MAD1L1: variants seen among roughly 807,000 people sequenced by gnomAD.
MAD1L1 encodes the protein mitotic arrest deficient 1 like 1, also known as mitotic spindle assembly checkpoint protein MAD1.
In MAD1L1, 95 loss-of-function variants were observed where a neutral mutation model predicts 96.9. The ratio of observed to expected loss-of-function variants is 0.98; its 90% CI spans 0.83 to 1.16. The LOEUF (loss-of-function observed/expected upper bound fraction) is 1.16. Ranked by LOEUF, MAD1L1 falls within the 50% of genes most tolerant of loss-of-function variation. MAD1L1 has a pLI of 0.00. For synonymous variants in MAD1L1, 473 were observed against 396.6 expected, an observed-to-expected ratio of 1.19 and a Z score of -2.29; for missense variants, 1,007 against 954.4, an observed-to-expected ratio of 1.06 and a Z score of -0.73.
intron 11 of MAD1L1, among the ~76,000 whole-genome samples, chr7:2,087,215 C>T (rs1249435146): frequency 1.3e-5 from 2 of 152,206 alleles, no homozygotes; most frequent in African/African-American, 2.4e-5. Flanking sequence ...CAGAGCCACA[C>T]ACCTCAAAGT....
chr7:2,171,878 C>A (rs925340683), intron 10 of MAD1L1, among the ~76,000 whole-genome samples: 1 of 152,180 alleles, frequency 6.6e-6, no homozygotes. Context: ...CCACGCAGCC[C>A]AAGACCAGAC....
chr7:2,168,478 G>A (rs1790545729), intron 10 of MAD1L1, among the ~76,000 whole-genome samples: 1 of 152,264 alleles, frequency 6.6e-6, no homozygotes, highest in African/African-American at 2.4e-5. Context: ...AAAGGCAACA[G>A]CCATGCACCT....
In MAD1L1 at chr7:1,816,241, C is replaced by G. The variant is rs1554262484; in HGVS notation, c.1999-13G>C. 1.9e-6 allele frequency: 3 copies of G among 1,609,380 alleles called. No individual in the cohort carries two copies. Among genetic ancestry groups the G allele is most frequent in the Non-Finnish European group, 2.5e-6 (3 of 1,177,552 alleles). On this transcript the variant is annotated splice_polypyrimidine_tract_variant and intron_variant, in intron 18 of 18. Coordinates refer to ENST00000265854, the MANE Select transcript of MAD1L1 (RefSeq NM_001013836.2). ...AGGGGCTGGTGGCCTGCGGGGCAGT[C>G]AAGAAAGAGACAAGACAGCGGTCAG...
At chr7:1,883,484 A>T (rs57388909) in intron 18 of MAD1L1, among the ~76,000 whole-genome samples, 1,668 of 152,236 alleles carry the variant, frequency 0.011, 33 homozygotes, top group African/African-American at 0.039. Flanking sequence ...TTTCCATGGG[A>T]ATCAGCCCAG....
At chr7:1,967,129 G>A (rs117546874) in intron 15 of MAD1L1, among the ~76,000 whole-genome samples, 3,625 of 152,286 alleles carry the variant, frequency 0.024, 88 homozygotes, top group Non-Finnish European at 0.027. Context: ...AGCAGGAAGG[G>A]AGAGGGCAAG....
intron 12 of MAD1L1, among the ~76,000 whole-genome samples, chr7:2,054,515 T>C (rs1414505791): frequency 1.3e-5 from 2 of 152,308 alleles, no homozygotes; most frequent in African/African-American, 2.4e-5. Context: ...TGTGACAAGG[T>C]TGGCTTTCTA....
chr7:2,074,093 G>A (rs1785265637), intron 11 of MAD1L1, among the ~76,000 whole-genome samples: 2 of 152,246 alleles, frequency 1.3e-5, no homozygotes, highest in South Asian at 2.1e-4. Context: ...ACTGGCAGGC[G>A]AGTCTACCCA....
At chr7:2,057,222 G>A (rs78945340) in intron 12 of MAD1L1, among the ~76,000 whole-genome samples, 1,535 of 152,354 alleles carry the variant, frequency 0.01, 25 homozygotes, top group African/African-American at 0.035. Flanking sequence ...CACAGGAGAC[G>A]CACAGTAAGA....
At chr7:1,865,035 T>A (rs1583592148) in intron 18 of MAD1L1, among the ~76,000 whole-genome samples, 1 of 152,096 alleles carries the variant, frequency 6.6e-6, no homozygotes, top group East Asian at 1.9e-4. Flanking sequence ...AGTCCCCACC[T>A]CACGCCCACT....
At chr7:2,165,748 G>A (rs966618105) in intron 10 of MAD1L1, among the ~76,000 whole-genome samples, 1 of 152,300 alleles carries the variant, frequency 6.6e-6, no homozygotes, top group East Asian at 1.9e-4. Context: ...AGAGGTACAG[G>A]GAAAGACTGA....
At chr7:2,007,859 G>C (rs1192853691) in intron 13 of MAD1L1, among the ~76,000 whole-genome samples, 2 of 152,216 alleles carry the variant, frequency 1.3e-5, no homozygotes, top group African/African-American at 4.8e-5. Context: ...AGACCATTTT[G>C]GTAGAGTCTC....
At chr7:2,067,174 C>T (rs957261839) in intron 12 of MAD1L1, among the ~76,000 whole-genome samples, 16 of 151,916 alleles carry the variant, frequency 1.1e-4, no homozygotes, top group Non-Finnish European at 2.1e-4. Flanking sequence ...CGCAGGCACC[C>T]GGGGTCATCA....
intron 12 of MAD1L1, among the ~76,000 whole-genome samples, chr7:2,023,818 A>C (rs1782885196): frequency 2.0e-5 from 3 of 151,998 alleles, no homozygotes. Flanking sequence ...GCGTGGTGGC[A>C]GGTACCTGTA....
At chr7:1,894,027 G>A (rs532678828) in intron 18 of MAD1L1, among the ~76,000 whole-genome samples, 4 of 152,314 alleles carry the variant, frequency 2.6e-5, no homozygotes, top group Non-Finnish European at 5.9e-5. Context: ...CAGAGCCCTA[G>A]ACTGCCCTCT....
intron 15 of MAD1L1, among the ~76,000 whole-genome samples, chr7:1,972,612 T>TC (rs397736339): frequency 2.0e-5 from 3 of 151,684 alleles, no homozygotes; most frequent in African/African-American, 7.3e-5. Flanking sequence ...GAATTTTTTT[T>TC]CCAAAAAAGC....
At chr7:1,821,037 T>G (rs1208615809) in intron 18 of MAD1L1, among the ~76,000 whole-genome samples, 1 of 125,440 alleles carries the variant, frequency 8.0e-6, no homozygotes, top group Admixed American at 9.4e-5. Context: ...GCCGAGATCG[T>G]GCCACTGCAC....
intron 10 of MAD1L1, among the ~76,000 whole-genome samples, chr7:2,177,106 G>C (rs1236105220): frequency 1.3e-5 from 2 of 152,222 alleles, no homozygotes; most frequent in African/African-American, 4.8e-5. Context: ...AATGTCAGGA[G>C]AAACACAGAC....
intron 12 of MAD1L1, among the ~76,000 whole-genome samples, chr7:2,056,394 C>CCTCTGCTCTGCTCTGCTCTG (rs60120786): frequency 1.3e-5 from 2 of 151,504 alleles, no homozygotes; most frequent in African/African-American, 4.9e-5. Flanking sequence ...GGATGGAGGC[C>CCTCTGCTCTGCTCTGCTCTG]CTCTGCTCTG....
At chr7:1,863,178 C>G (rs1453326938) in intron 18 of MAD1L1, among the ~76,000 whole-genome samples, 1 of 152,274 alleles carries the variant, frequency 6.6e-6, no homozygotes, top group African/African-American at 2.4e-5. Flanking sequence ...CGCCTCAGCA[C>G]GGGCTGAAGA....
Sources: gnomAD v4.1 joint callset for allele counts (sites outside exome capture counted in the v4.1 genomes callset) on GRCh38, gnomAD v4.1.1 for gene constraint, MANE v1.5 for transcripts, NCBI Gene and HGNC (gene_info 2026-07-23, HGNC 2026-07-21) for gene names.